The following SPTLC2 variants were observed in gnomAD, a reference collection of about 807,000 sequenced individuals.
The protein encoded by SPTLC2 is serine palmitoyltransferase 2.
SPTLC2 carries 21 observed loss-of-function variants against 62.0 expected under a neutral mutation model. That is an observed-to-expected ratio of 0.34 (90% CI 0.24 to 0.49). SPTLC2 has a LOEUF of 0.49. Among genes scored for constraint, SPTLC2 ranks in the 20% least tolerant of loss-of-function variants. The pLI is 0.99. For synonymous variants in SPTLC2, 261 were observed against 261.8 expected, an observed-to-expected ratio of 1.00 and a Z score of 0.03; for missense variants, 511 against 713.0, an observed-to-expected ratio of 0.72 and a Z score of 3.23.
chr14:77,560,970 A>G (rs2079612032), intron 6 of SPTLC2, among the ~76,000 whole-genome samples: 2 of 151,972 alleles, frequency 1.3e-5, no homozygotes, highest in South Asian at 4.2e-4. Context: ...CCCCCGAGAC[A>G]TGCAATTTAC....
At chr14:77,579,166 T>G in intron 2 of SPTLC2, 57 bp from the exon 3 acceptor site, 1 of 1,567,608 alleles carries the variant, frequency 6.4e-7, no homozygotes, top group Non-Finnish European at 8.7e-7. Context: ...TTAAAAAATT[T>G]TTTAACAGAT....
At chr14:77,600,573 G>A (rs780385664) in intron 1 of SPTLC2, among the ~76,000 whole-genome samples, 13 of 152,120 alleles carry the variant, frequency 8.5e-5, no homozygotes, top group Non-Finnish European at 1.3e-4. Flanking sequence ...ATTATTGCAC[G>A]TCTAGCACCC....
At chr14:77,602,716 T>C (rs2079884846) in intron 1 of SPTLC2, among the ~76,000 whole-genome samples, 1 of 152,050 alleles carries the variant, frequency 6.6e-6, no homozygotes, top group Non-Finnish European at 1.5e-5. Context: ...TAACATAAGA[T>C]AACATAAGAT....
chr14:77,585,540 C>T (rs1370775871), intron 2 of SPTLC2, among the ~76,000 whole-genome samples: 1 of 152,154 alleles, frequency 6.6e-6, no homozygotes, highest in Non-Finnish European at 1.5e-5. Context: ...CAAACAATCA[C>T]TGCTTTGATG....
intron 1 of SPTLC2, among the ~76,000 whole-genome samples, chr14:77,613,541 C>T (rs1159529759): frequency 6.6e-6 from 1 of 152,176 alleles, no homozygotes; most frequent in Non-Finnish European, 1.5e-5. Context: ...AATTCTAAAC[C>T]CAAATCCAAG....
chr14:77,569,755 G>GAT (rs1212582874), intron 5 of SPTLC2, among the ~76,000 whole-genome samples: 41 of 102,510 alleles, frequency 4.0e-4, no homozygotes, highest in Non-Finnish European at 1.3e-4. Context: ...CCCACTTGGG[G>GAT]ATATATATAT....
intron 9 of SPTLC2, among the ~76,000 whole-genome samples, chr14:77,544,125 G>T (rs1328249184): frequency 6.6e-6 from 1 of 151,968 alleles, no homozygotes; most frequent in Non-Finnish European, 1.5e-5. Context: ...CTCCGCCTTG[G>T]CCTCCCAAGT....
intron 9 of SPTLC2, among the ~76,000 whole-genome samples, chr14:77,525,590 G>GA (rs34294932): frequency 0.49 from 67,978 of 139,898 alleles, 16,420 homozygotes; most frequent in Non-Finnish European, 0.54. Context: ...ACTCCGTCTC[G>GA]AAAAAAAAAA....
intron 4 of SPTLC2, among the ~76,000 whole-genome samples, chr14:77,571,576 T>C (rs2079683463): frequency 6.6e-6 from 1 of 151,734 alleles, no homozygotes; most frequent in Non-Finnish European, 1.5e-5. Flanking sequence ...CGCAATTTTA[T>C]ATTGGTACTC....
chr14:77,600,520 T>C lies in SPTLC2; in HGVS notation c.133-3140A>G, dbSNP rs112318623. Among the ~76,000 whole-genome samples the C allele has an allele frequency of 3.7e-3, 556 of 152,324 alleles. 4 individuals are homozygous for C. The highest frequency in any genetic ancestry group is 4.4e-3 in the Non-Finnish European group (296 of 68,030). On this transcript the variant is annotated intron_variant, in intron 1 of 11. Coordinates refer to ENST00000216484, the MANE Select transcript of SPTLC2 (RefSeq NM_004863.4). ...AATAATGGTATTACTCTCTTATACA[T>C]AGGTAATAATCCATGAGGAAAAACA...
chr14:77,516,029 T>A (rs992980743), intron 11 of SPTLC2, among the ~76,000 whole-genome samples: 1 of 151,928 alleles, frequency 6.6e-6, no homozygotes, highest in Non-Finnish European at 1.5e-5. Context: ...TGTGTGTGTG[T>A]GTATTTTACA....
intron 5 of SPTLC2, among the ~76,000 whole-genome samples, chr14:77,563,504 C>T (rs1484187509): frequency 2.6e-5 from 4 of 152,200 alleles, no homozygotes; most frequent in Non-Finnish European, 5.9e-5. Context: ...GGTTCACTTG[C>T]AACCTCTGCC....
intron 9 of SPTLC2, among the ~76,000 whole-genome samples, chr14:77,532,557 G>C (rs2079445936): frequency 6.6e-6 from 1 of 152,106 alleles, no homozygotes; most frequent in Non-Finnish European, 1.5e-5. Context: ...GGCCGAGGCA[G>C]GTGGATCACG....
intron 1 of SPTLC2, among the ~76,000 whole-genome samples, chr14:77,608,296 T>C (rs1220516311): frequency 6.6e-6 from 1 of 152,232 alleles, no homozygotes; most frequent in South Asian, 2.1e-4. Flanking sequence ...ACAGCTTATG[T>C]GTCACCACAA....
At chr14:77,573,523 A>G (rs1341040941) in intron 4 of SPTLC2, among the ~76,000 whole-genome samples, 1 of 152,046 alleles carries the variant, frequency 6.6e-6, no homozygotes, top group African/African-American at 2.4e-5. Context: ...AAATAAATAA[A>G]TAAATAAATA....
At chr14:77,595,553 G>A (rs1319291107) in intron 2 of SPTLC2, among the ~76,000 whole-genome samples, 2 of 152,162 alleles carry the variant, frequency 1.3e-5, no homozygotes, top group Middle Eastern at 3.2e-3. Flanking sequence ...GGGCTCGGAT[G>A]GAGTACAAGA....
chr14:77,530,491 G>A (rs1036068100), intron 9 of SPTLC2, among the ~76,000 whole-genome samples: 1 of 152,000 alleles, frequency 6.6e-6, no homozygotes, highest in Non-Finnish European at 1.5e-5. Context: ...ACCAGACTTA[G>A]CTAATTTTTG....
chr14:77,528,533 C>G (rs192357781), intron 9 of SPTLC2, among the ~76,000 whole-genome samples: 8 of 151,866 alleles, frequency 5.3e-5, no homozygotes, highest in Non-Finnish European at 1.2e-4. Flanking sequence ...GCCCAGCCCC[C>G]CCTTTTCTTC....
chr14:77,570,281 G>T, intron 5 of SPTLC2, 103 bp downstream of exon 5: 77 of 1,220,466 alleles, frequency 6.3e-5, no homozygotes, highest in Middle Eastern at 4.0e-4. Context: ...GCTAAACTAT[G>T]TTTAGCCTAA....
Sources: gnomAD v4.1 joint callset for allele counts (sites outside exome capture counted in the v4.1 genomes callset) on GRCh38, gnomAD v4.1.1 for gene constraint, MANE v1.5 for transcripts, NCBI Gene and HGNC (gene_info 2026-07-23, HGNC 2026-07-21) for gene names.